Variants in ZNF717 observed in about 807,000 individuals in gnomAD.
ZNF717 encodes krueppel-like factor X17.
A neutral mutation model predicts 13.8 loss-of-function variants in ZNF717; 9 were observed. The ratio of observed to expected loss-of-function variants is 0.65; its 90% CI spans 0.39 to 1.14. The LOEUF (loss-of-function observed/expected upper bound fraction) is 1.14. Ranked by LOEUF, ZNF717 falls within the 50% of genes most tolerant of loss-of-function variation. ZNF717 has a pLI of 0.01. For synonymous variants in ZNF717, 327 were observed against 364.1 expected, an observed-to-expected ratio of 0.90 and a Z score of 1.16; for missense variants, 1,040 against 1,080.7, an observed-to-expected ratio of 0.96 and a Z score of 0.53.
intron 2 of ZNF717, among the ~76,000 whole-genome samples, chr3:75,756,279 G>A (rs147131754): frequency 3.4e-4 from 52 of 151,840 alleles, no homozygotes; most frequent in African/African-American, 1.1e-3. Flanking sequence ...CTCCACCAAC[G>A]GGCCATTTCT....
At chr3:75,776,654 T>C (rs539322309) in intron 2 of ZNF717, among the ~76,000 whole-genome samples, 1 of 152,306 alleles carries the variant, frequency 6.6e-6, no homozygotes, top group African/African-American at 2.4e-5. Flanking sequence ...GTTCATAGTC[T>C]CACAATTCAG....
chr3:75,729,187 C>A (rs1938371947), downstream of ZNF717, among the ~76,000 whole-genome samples: 2 of 152,158 alleles, frequency 1.3e-5, no homozygotes, highest in South Asian at 4.1e-4. Flanking sequence ...CAGACTGATA[C>A]AGTCATCCAT....
At chr3:75,765,961 T>G (rs1458723833) in intron 2 of ZNF717, among the ~76,000 whole-genome samples, 1 of 152,038 alleles carries the variant, frequency 6.6e-6, no homozygotes, top group African/African-American at 2.4e-5. Context: ...ATATAAAAAT[T>G]AGCCAGGTAT....
At chr3:75,734,786 T>C (rs1310152819), downstream of ZNF717, among the ~76,000 whole-genome samples, 6 of 145,160 alleles carry the variant, frequency 4.1e-5, no homozygotes, top group Admixed American at 1.4e-4. Context: ...ATAATAACAA[T>C]GTATGCAATT....
chr3:75,776,730 G>A (rs539888547), intron 2 of ZNF717, among the ~76,000 whole-genome samples: 1 of 152,324 alleles, frequency 6.6e-6, no homozygotes, highest in South Asian at 2.1e-4. Flanking sequence ...AACAAGGACA[G>A]TTTCTCCCCC....
intron 4 of ZNF717, among the ~76,000 whole-genome samples, chr3:75,722,352 G>C (rs1312447970): frequency 6.6e-6 from 1 of 152,202 alleles, no homozygotes; most frequent in East Asian, 1.9e-4. Context: ...ATAGTTTGAA[G>C]AGTTGTAATG....
chr3:75,708,919 G>A (rs528162918), downstream of ZNF717, among the ~76,000 whole-genome samples: 7 of 152,116 alleles, frequency 4.6e-5, no homozygotes, highest in Admixed American at 6.6e-5. Flanking sequence ...AGAATTTGAC[G>A]TGGCAGCAGG....
At position 75,736,785 on chromosome 3, in the gene ZNF717, C is replaced by T. The variant is rs9881328; in HGVS notation, c.*93G>A. On this transcript the variant is annotated 3_prime_UTR_variant, in exon 5 of 5. Coordinates refer to ENST00000652011, the MANE Select transcript of ZNF717 (RefSeq NM_001290208.3). ...TGGTTAAGACCTTCTTGTTGGTAGG[C>T]CAGGAGGTAATGGTCACCATTTGTG... 8.7e-3 allele frequency: 11,757 copies of T among 1,345,654 alleles called. 493 individuals carry two copies. In the African/African-American group the frequency reaches 0.16, roughly 18 times the overall value. 83.4% of individuals were successfully genotyped at this position (1,345,654 alleles called of 1,614,324 possible).
chr3:75,776,885 G>A (rs1489410677), intron 2 of ZNF717, among the ~76,000 whole-genome samples: 1 of 152,130 alleles, frequency 6.6e-6, no homozygotes, highest in East Asian at 1.9e-4. Context: ...TAAAGATTTG[G>A]TTGTAGGGAA....
At position 75,741,315 on chromosome 3, in the gene ZNF717, G is replaced by A. The variant is rs78571006; in HGVS notation, c.238C>T (p.Pro80Ser). 1.3e-6 allele frequency: 2 copies of A among 1,549,098 alleles called. No individual in the cohort carries two copies. Among genetic ancestry groups the A allele is most frequent in the African/African-American group, 1.4e-5 (1 of 72,962 alleles). The stretch of plus-strand genomic sequence containing the variant: ...TTTGGGGTTTCTTCTACTATCCATG[G>A]CTCTGCTCCTTGCTCTAGCTTGAAG... ...MIFKLEQGAE[P>S]WIVEETPNLR... Residue 80 changes from proline to serine, a missense_variant, in exon 4 of 5, where the codon CCA (proline) becomes TCA (serine). Physicochemically the swap from Pro to Ser is moderately conservative, Grantham distance 74. This residue lies in a region of ZNF717 where 123 missense variants were observed against 177.8 expected (regional missense o/e 0.69). Transcript: ENST00000652011.
At position 75,768,360 on chromosome 3, in the gene ZNF717, TGGG is replaced by T. The variant is rs71101853; in HGVS notation, c.57+14943_57+14945del. 0.021 allele frequency among the ~76,000 whole-genome samples: 283 copies of T among 13,672 alleles called. 30 individuals carry two copies. The East Asian group carries it at 0.31, about 15-fold the overall frequency. 9.0% of individuals were successfully genotyped at this position (13,672 alleles called of 152,430 possible). A position where few individuals can be genotyped will look rare whatever the true frequency, so the allele number is the denominator to read the frequency against. ...ATTCAGTCCTCACTGTGGCTGAGTG[TGGG>T]GGGGGGGGGTAGATGACAGCCCACC... is the stretch of plus-strand genomic sequence containing the variant. On this transcript the variant is annotated intron_variant, in intron 2 of 4. Coordinates refer to ENST00000652011, the MANE Select transcript of ZNF717 (RefSeq NM_001290208.3).
chr3:75,781,287 G>T (rs1944800666), intron 2 of ZNF717, among the ~76,000 whole-genome samples: 1 of 152,234 alleles, frequency 6.6e-6, no homozygotes, highest in Non-Finnish European at 1.5e-5. Flanking sequence ...TTCAAACAAG[G>T]CAAATGCTGA....
chr3:75,771,955 G>A (rs113683779), intron 2 of ZNF717, among the ~76,000 whole-genome samples: 243 of 152,366 alleles, frequency 1.6e-3, no homozygotes, highest in African/African-American at 5.6e-3. Flanking sequence ...AACCCGGCCC[G>A]GTGTGTGCAA....
chr3:75,726,224 C>T (rs79394409), downstream of ZNF717, among the ~76,000 whole-genome samples: 1 of 148,404 alleles, frequency 6.7e-6, no homozygotes, highest in East Asian at 2.0e-4. Context: ...GAGAAAATAG[C>T]ATTGGGCTGT....
chr3:75,767,580 T>TTG (rs1943583215), intron 2 of ZNF717, among the ~76,000 whole-genome samples: 3 of 150,018 alleles, frequency 2.0e-5, no homozygotes, highest in African/African-American at 7.3e-5. Context: ...GGTGAGGGCC[T>TTG]GAAGGACAGT....
chr3:75,784,124 AC>A (rs943876168), intron 1 of ZNF717, among the ~76,000 whole-genome samples: 3 of 152,216 alleles, frequency 2.0e-5, no homozygotes, highest in Non-Finnish European at 4.4e-5. Context: ...AAGAGTCACC[AC>A]AAACCGCCAG....
chr3:75,764,323 T>C (rs6549786), intron 2 of ZNF717, among the ~76,000 whole-genome samples: 39,807 of 150,482 alleles, frequency 0.26, 5,706 homozygotes, highest in African/African-American at 0.39. Context: ...TCCCAGCAGT[T>C]CCCAGGCCTC....
intron 6 of ZNF717, among the ~76,000 whole-genome samples, chr3:75,697,945 T>A (rs1246823914): frequency 6.6e-6 from 1 of 152,298 alleles, no homozygotes; most frequent in Non-Finnish European, 1.5e-5. Flanking sequence ...AGATGAAAAT[T>A]AGAAACTAAT....
At chr3:75,748,374 G>A (rs200482456) in intron 2 of ZNF717, among the ~76,000 whole-genome samples, 9 of 152,202 alleles carry the variant, frequency 5.9e-5, no homozygotes, top group East Asian at 1.9e-4. Context: ...AAGCCTGGAC[G>A]AGACATAATC....
Sources: gnomAD v4.1 joint callset for allele counts (sites outside exome capture counted in the v4.1 genomes callset) on GRCh38, gnomAD v4.1.1 for gene constraint, gnomAD v4.1.1 regional missense constraint, MANE v1.5 for transcripts, NCBI Gene and HGNC (gene_info 2026-07-23, HGNC 2026-07-21) for gene names.